The following STXBP5L variants were observed in gnomAD, a reference collection of about 807,000 sequenced individuals.
STXBP5L encodes syntaxin-binding protein 5-like.
STXBP5L carries 65 observed loss-of-function variants against 144.5 expected under a neutral mutation model. That is an observed-to-expected ratio of 0.45 (90% CI 0.37 to 0.55). STXBP5L has a LOEUF of 0.55. Among genes scored for constraint, STXBP5L ranks in the 20% least tolerant of loss-of-function variants. The pLI is 0.00. For missense variants in STXBP5L, 1,298 were observed against 1,405.5 expected (o/e 0.92, Z 1.22); for synonymous variants, 505 against 469.6 (o/e 1.08, Z -0.97).
intron 3 of STXBP5L, among the ~76,000 whole-genome samples, chr3:121,036,789 T>TC (rs1946786880): frequency 8.1e-6 from 1 of 123,538 alleles, no homozygotes; most frequent in African/African-American, 3.5e-5. Flanking sequence ...TTTTTTTTTT[T>TC]TTTATTATAC....
intron 6 of STXBP5L, among the ~76,000 whole-genome samples, chr3:121,119,212 T>G (rs1420615532): frequency 2.0e-5 from 3 of 151,524 alleles, no homozygotes; most frequent in Non-Finnish European, 3.0e-5. Context: ...GGTGAAACAG[T>G]CCTAGTCTAA....
At chr3:121,254,315 C>G (rs2050136826) in intron 15 of STXBP5L, among the ~76,000 whole-genome samples, 2 of 149,432 alleles carry the variant, frequency 1.3e-5, no homozygotes, top group Non-Finnish European at 1.5e-5. Context: ...GAGATTATAT[C>G]TGACCCTTTC....
At chr3:121,079,739 G>T (rs199820991) in intron 5 of STXBP5L, among the ~76,000 whole-genome samples, 17 of 152,260 alleles carry the variant, frequency 1.1e-4, no homozygotes, top group East Asian at 5.8e-4. Flanking sequence ...TTATTTTGTG[G>T]CCTGTCATGG....
intron 7 of STXBP5L, among the ~76,000 whole-genome samples, chr3:121,123,941 C>T (rs577318643): frequency 1.3e-5 from 2 of 151,614 alleles, no homozygotes; most frequent in South Asian, 4.2e-4. Context: ...TAAATATTTC[C>T]CTACCAGAGA....
chr3:121,035,095 G>T (rs1411612123), intron 3 of STXBP5L, among the ~76,000 whole-genome samples: 1 of 152,040 alleles, frequency 6.6e-6, no homozygotes, highest in Non-Finnish European at 1.5e-5. Flanking sequence ...AGTTGTTTGA[G>T]TTCTTTGTAG....
chr3:121,200,161 C>T (rs1330130941), intron 9 of STXBP5L, among the ~76,000 whole-genome samples: 2 of 152,120 alleles, frequency 1.3e-5, no homozygotes, highest in Non-Finnish European at 2.9e-5. Context: ...AATTTCAGAG[C>T]TTGTTATTGG....
intron 5 of STXBP5L, chr3:121,049,836 G>T (rs894721184): frequency 1.3e-5 from 2 of 152,950 alleles, no homozygotes; most frequent in African/African-American, 4.8e-5. Flanking sequence ...AGCACTCCTG[G>T]GAGTCTGTGA....
intron 20 of STXBP5L, among the ~76,000 whole-genome samples, chr3:121,327,623 C>T (rs545891495): frequency 3.3e-5 from 5 of 152,154 alleles, no homozygotes; most frequent in Non-Finnish European, 7.4e-5. Context: ...TGTGGGGATG[C>T]TTTCCTATGT....
chr3:121,038,543 T>G (rs1303166668), intron 3 of STXBP5L, among the ~76,000 whole-genome samples: 1 of 151,950 alleles, frequency 6.6e-6, no homozygotes, highest in African/African-American at 2.4e-5. Context: ...AATTGTTTCT[T>G]TTATATTTCA....
At chr3:120,989,817 T>C (rs1942654772) in intron 3 of STXBP5L, among the ~76,000 whole-genome samples, 1 of 152,002 alleles carries the variant, frequency 6.6e-6, no homozygotes, top group Admixed American at 6.6e-5. Context: ...TAAAATCTAC[T>C]CTACCTAATA....
intron 7 of STXBP5L, 141 bp downstream of exon 7, chr3:121,121,845 C>A: frequency 2.0e-6 from 1 of 491,206 alleles, no homozygotes; most frequent in South Asian, 4.2e-5. Flanking sequence ...GTTGAATCAA[C>A]GAATGAGTAA....
intron 3 of STXBP5L, among the ~76,000 whole-genome samples, chr3:120,988,507 T>C (rs1410664714): frequency 6.6e-6 from 1 of 152,068 alleles, no homozygotes; most frequent in African/African-American, 2.4e-5. Context: ...GTTTTTGAGA[T>C]TTGTTTTATT....
intron 7 of STXBP5L, among the ~76,000 whole-genome samples, chr3:121,142,542 G>C (rs2045551339): frequency 6.6e-6 from 1 of 151,850 alleles, no homozygotes; most frequent in Admixed American, 6.6e-5. Flanking sequence ...AGATTGAAAT[G>C]ATACCAAGTA....
At chr3:121,260,957 G>A (rs564618481) in intron 18 of STXBP5L, among the ~76,000 whole-genome samples, 2 of 152,246 alleles carry the variant, frequency 1.3e-5, no homozygotes, top group African/African-American at 2.4e-5. Context: ...GAGAAGGAAT[G>A]GACTGTGGGA....
At chr3:121,393,558 G>T (rs1250864626) in intron 22 of STXBP5L, among the ~76,000 whole-genome samples, 1 of 152,110 alleles carries the variant, frequency 6.6e-6, no homozygotes, top group African/African-American at 2.4e-5. Context: ...CATTTTTATA[G>T]TTTCAGGTCT....
At chr3:120,971,451 A>T (rs1472175091) in intron 3 of STXBP5L, among the ~76,000 whole-genome samples, 1 of 151,718 alleles carries the variant, frequency 6.6e-6, no homozygotes, top group African/African-American at 2.4e-5. Context: ...GTCTATGTGT[A>T]CCCACTGTTT....
rs1367882884 is a variant in STXBP5L at position 121,380,378 on chromosome 3, C to T, written c.2348-915C>T. Among the ~76,000 whole-genome samples the T allele has an allele frequency of 3.9e-5, 6 of 152,098 alleles. No individual in the cohort carries two copies. The South Asian group carries it at 8.3e-4, about 21-fold the overall frequency. Reference sequence around the variant, plus strand: ...AAAGTCTGAGGAGCCTGTATTTATCCTCTTTCTATAAAAACAATTATGAGT... The same window carrying T: ...AAAGTCTGAGGAGCCTGTATTTATCTTCTTTCTATAAAAACAATTATGAGT... On this transcript the variant is annotated intron_variant, in intron 21 of 26. Transcript: ENST00000471454.
At chr3:121,089,777 T>C (rs971294595) in intron 5 of STXBP5L, among the ~76,000 whole-genome samples, 8 of 152,052 alleles carry the variant, frequency 5.3e-5, no homozygotes, top group African/African-American at 1.9e-4. Flanking sequence ...ACTTATATTA[T>C]TTGTTTTTTC....
Position 121,342,183 on chromosome 3 carries a change from G to T in STXBP5L, c.2176+23643G>T, listed in dbSNP as rs571241416. Among the ~76,000 whole-genome samples, 115 of 152,128 alleles carry T rather than the reference G, an allele frequency of 7.6e-4. 2 individuals carry two copies. The South Asian group carries it at 0.023, about 31-fold the overall frequency. On this transcript the variant is annotated intron_variant, in intron 20 of 26. Coordinates refer to ENST00000471454, the MANE Select transcript of STXBP5L (RefSeq NM_001308330.2). The stretch of plus-strand genomic sequence containing the variant: ...ATTCACAGACAAGTGAACCTGCACA[G>T]TTCAAACCCTTGCTGTTCAAGGATC...
Sources: allele counts gnomAD v4.1 joint callset (sites outside exome capture counted in the v4.1 genomes callset), GRCh38; gene constraint gnomAD v4.1.1; transcripts MANE v1.5; gene names NCBI Gene and HGNC (gene_info 2026-07-23, HGNC 2026-07-21).